Variants in CDKN2C observed in about 807,000 individuals in gnomAD.
The protein encoded by CDKN2C is cyclin-dependent kinase 4 inhibitor C.
In CDKN2C, 5 loss-of-function variants were observed where a neutral mutation model predicts 11.0. The observed-to-expected ratio is 0.45, with a 90% CI of 0.24 to 0.95. The LOEUF is 0.95. Ranked by LOEUF, CDKN2C falls within the 40% of genes least tolerant of loss-of-function variation. CDKN2C has a pLI of 0.21. For missense variants in CDKN2C, 161 were observed against 211.9 expected (o/e 0.76, Z 1.49); for synonymous variants, 79 against 88.3 (o/e 0.89, Z 0.59).
At chr1:50,970,543 A>C in intron 1 of CDKN2C, 46 bp downstream of exon 1, 1 of 1,609,252 alleles carries the variant, frequency 6.2e-7, no homozygotes, top group Admixed American at 1.7e-5. Flanking sequence ...AATGTTGCCT[A>C]CGTGACCCGG....
chr1:50,967,694 C>A (rs1645354077), upstream of CDKN2C, among the ~76,000 whole-genome samples: 2 of 152,164 alleles, frequency 1.3e-5, no homozygotes, highest in Admixed American at 6.5e-5. Flanking sequence ...TAATTAATCT[C>A]ACATAGCTAA....
intron 1 of CDKN2C, 72 bp from the exon 2 acceptor site, chr1:50,973,821 C>T (rs2147958171): frequency 6.5e-7 from 1 of 1,527,816 alleles, no homozygotes; most frequent in Non-Finnish European, 9.0e-7. Flanking sequence ...AATGGAAGGA[C>T]AGGCAGATAT....
At chr1:50,972,922 G>A (rs1645388257) in intron 1 of CDKN2C, among the ~76,000 whole-genome samples, 1 of 152,152 alleles carries the variant, frequency 6.6e-6, no homozygotes, top group Non-Finnish European at 1.5e-5. Flanking sequence ...AGACAAGGCT[G>A]TCCGTGTCCC....
At chr1:50,967,255 CTGGTATAAA>C (rs371838149), upstream of CDKN2C, among the ~76,000 whole-genome samples, 45 of 152,266 alleles carry the variant, frequency 3.0e-4, no homozygotes, top group African/African-American at 1.0e-3. Context: ...TTATTTCTTA[CTGGTATAAA>C]TGGAATCTTA....
intron 1 of CDKN2C, among the ~76,000 whole-genome samples, chr1:50,972,082 T>C (rs3176460): frequency 0.015 from 2,226 of 152,266 alleles, 57 homozygotes; most frequent in African/African-American, 0.052. Context: ...TTTAACTCAA[T>C]TTCAAAAGCC....
intron 1 of CDKN2C, 115 bp from the exon 2 acceptor site, chr1:50,973,778 G>C: frequency 1.5e-6 from 2 of 1,317,550 alleles, no homozygotes; most frequent in South Asian, 1.2e-5. Flanking sequence ...TGGGTCTTCC[G>C]CAAGAACTCC....
At chr1:50,963,418 CTT>C (rs1645334736) in intron 1 of CDKN2C, among the ~76,000 whole-genome samples, 1 of 152,152 alleles carries the variant, frequency 6.6e-6, no homozygotes, top group African/African-American at 2.4e-5. Flanking sequence ...ACATTACAAA[CTT>C]TATCTCATTT....
At chr1:50,965,068 A>AGATAG (rs1186712396) in intron 1 of CDKN2C, among the ~76,000 whole-genome samples, 1 of 150,982 alleles carries the variant, frequency 6.6e-6, no homozygotes, top group Non-Finnish European at 1.5e-5. Flanking sequence ...ATAGATAGAT[A>AGATAG]GATAGATAGA....
upstream of CDKN2C, chr1:50,970,089 G>T: frequency 2.0e-6 from 1 of 510,024 alleles, no homozygotes; most frequent in Non-Finnish European, 3.6e-6. Context: ...GTGTCTCTCT[G>T]TGGAGTCGTC....
rs375535785 is a variant in CDKN2C, at chr1:50,970,516, G to A, written c.129+19G>A. The stretch of plus-strand genomic sequence containing the variant: ...GCTGCAGGTTGGTATTAAGAGAGGT[G>A]GGGAAAACAAGTCAATAATGTTGCC... On this transcript the variant is annotated intron_variant, in intron 1 of 1. Coordinates refer to ENST00000371761, the MANE Select transcript of CDKN2C (RefSeq NM_078626.3). 1.7e-5 allele frequency: 27 copies of A among 1,613,870 alleles called. No homozygotes were observed. Among genetic ancestry groups the A allele is most frequent in the Non-Finnish European group, 1.8e-5 (21 of 1,179,816 alleles).
chr1:50,961,269 T>A, intron 1 of CDKN2C, among the ~76,000 whole-genome samples: 3 of 152,150 alleles, frequency 2.0e-5, no homozygotes, highest in Non-Finnish European at 4.4e-5. Flanking sequence ...CGAACTCCTG[T>A]CCTCGTGATC....
upstream of CDKN2C, among the ~76,000 whole-genome samples, chr1:50,966,095 T>C (rs1416656868): frequency 6.6e-6 from 1 of 151,924 alleles, no homozygotes; most frequent in Non-Finnish European, 1.5e-5. Context: ...CTCTTTTTTT[T>C]TTTTTTTTTG....
At chr1:50,973,474 G>A (rs1309090003) in intron 1 of CDKN2C, among the ~76,000 whole-genome samples, 1 of 152,080 alleles carries the variant, frequency 6.6e-6, no homozygotes, top group Non-Finnish European at 1.5e-5. Flanking sequence ...TAATACCACA[G>A]GCACATTTTA....
intron 1 of CDKN2C, among the ~76,000 whole-genome samples, chr1:50,964,383 G>A (rs1645337552): frequency 2.6e-5 from 4 of 152,324 alleles, no homozygotes; most frequent in Middle Eastern, 3.4e-3. Flanking sequence ...GTGTATCACC[G>A]CAGAGGTGAT....
At chr1:50,970,611 C>A in intron 1 of CDKN2C, 114 bp downstream of exon 1, 1 of 1,263,568 alleles carries the variant, frequency 7.9e-7, no homozygotes, top group Non-Finnish European at 1.2e-6. Context: ...TGTTTTTAAA[C>A]CTAGTTGGTT....
Position 50,970,515 on chromosome 1 carries a change from T to C in CDKN2C, c.129+18T>C, listed in dbSNP as rs758585248. 1 of 1,613,948 alleles carries C rather than the reference T, an allele frequency of 6.2e-7. No individual in the cohort carries two copies. The highest frequency in any genetic ancestry group is 1.1e-5 in the South Asian group (1 of 91,074). ...CGCTGCAGGTTGGTATTAAGAGAGGTGGGGAAAACAAGTCAATAATGTTGC... is the reference window on the plus strand; with the variant it reads ...CGCTGCAGGTTGGTATTAAGAGAGGCGGGGAAAACAAGTCAATAATGTTGC... On this transcript the variant is annotated intron_variant, in intron 1 of 1. Transcript: ENST00000371761.
At chr1:50,962,113 G>A (rs912307912) in intron 1 of CDKN2C, among the ~76,000 whole-genome samples, 2 of 152,238 alleles carry the variant, frequency 1.3e-5, no homozygotes, top group Admixed American at 6.5e-5. Flanking sequence ...CAGGGCAGTG[G>A]CTTATGCCTA....
chr1:50,974,140 C>T lies in CDKN2C; in HGVS notation c.377C>T (p.Thr126Met), dbSNP rs17851380. ...GTGGTGGAGTTCCTGGTGAAGCACA[C>T]GGCCAGCAATGTGGGGCATCGGAAC... ...LRVVEFLVKH[T>M]ASNVGHRNHK... is the part of the protein sequence containing the mutation. The change falls in exon 2 of 2, where the codon ACG becomes ATG. Residue 126 changes from threonine to methionine, a missense_variant. Coordinates refer to ENST00000371761, the MANE Select transcript of CDKN2C (RefSeq NM_078626.3). 2.5e-6 allele frequency: 4 copies of T among 1,614,026 alleles called. No homozygotes were observed. Among genetic ancestry groups the T allele is most frequent in the Non-Finnish European group, 1.7e-6 (2 of 1,180,028 alleles).
At chr1:50,965,216 C>T (rs945222341) in intron 1 of CDKN2C, among the ~76,000 whole-genome samples, 2 of 150,726 alleles carry the variant, frequency 1.3e-5, no homozygotes, top group African/African-American at 4.9e-5. Context: ...GAAGAACTTT[C>T]AGGCCGGGTG....
Sources: gnomAD v4.1 joint callset for allele counts (sites outside exome capture counted in the v4.1 genomes callset) on GRCh38, gnomAD v4.1.1 for gene constraint, MANE v1.5 for transcripts, NCBI Gene and HGNC (gene_info 2026-07-23, HGNC 2026-07-21) for gene names.